Variants in THSD7B observed in about 807,000 individuals in gnomAD.
The protein encoded by THSD7B is thrombospondin type 1 domain containing 7B.
In THSD7B, 138 loss-of-function variants were observed where a neutral mutation model predicts 213.6. That is an observed-to-expected ratio of 0.65 (90% CI 0.56 to 0.74). The LOEUF (loss-of-function observed/expected upper bound fraction) is 0.74. Ranked by LOEUF, THSD7B falls within the 30% of genes least tolerant of loss-of-function variation. THSD7B has a pLI of 0.00. For synonymous variants in THSD7B, 742 were observed against 687.0 expected (o/e 1.08, Z -1.25); for missense variants, 1,931 against 1,991.5 (o/e 0.97, Z 0.58).
At chr2:136,888,945 GTGT>G (rs757234823) in intron 2 of THSD7B, among the ~76,000 whole-genome samples, 41 of 123,338 alleles carry the variant, frequency 3.3e-4, no homozygotes, top group African/African-American at 1.4e-3. Context: ...GTCTTTTGGG[GTGT>G]GTGTGTGTGT....
At chr2:137,446,028 A>C (rs1558799534) in intron 14 of THSD7B, among the ~76,000 whole-genome samples, 1 of 151,936 alleles carries the variant, frequency 6.6e-6, no homozygotes, top group Non-Finnish European at 1.5e-5. Flanking sequence ...TATTGAAAAA[A>C]AAAAAATCTG....
At chr2:137,266,961 T>C (rs1469720861) in intron 10 of THSD7B, among the ~76,000 whole-genome samples, 4 of 152,192 alleles carry the variant, frequency 2.6e-5, no homozygotes, top group Non-Finnish European at 5.9e-5. Flanking sequence ...TAATTCAGTG[T>C]GATGTTCCCC....
At chr2:137,364,533 A>C (rs1685358531) in intron 12 of THSD7B, among the ~76,000 whole-genome samples, 1 of 152,230 alleles carries the variant, frequency 6.6e-6, no homozygotes, top group African/African-American at 2.4e-5. Context: ...GCTGATAAGC[A>C]AGTTCAGCAA....
At chr2:137,102,178 A>G (rs6753210) in intron 4 of THSD7B, among the ~76,000 whole-genome samples, 14,144 of 152,274 alleles carry the variant, frequency 0.093, 1,087 homozygotes, top group African/African-American at 0.21. Context: ...TCTGGGGTGA[A>G]GCTTCCAGAG....
At chr2:137,016,117 T>A (rs1329530009) in intron 2 of THSD7B, among the ~76,000 whole-genome samples, 1 of 152,166 alleles carries the variant, frequency 6.6e-6, no homozygotes, top group Non-Finnish European at 1.5e-5. Context: ...TTGCATTTCA[T>A]CCTCACAAGA....
chr2:137,283,839 A>T (rs1283190076), intron 12 of THSD7B, among the ~76,000 whole-genome samples: 1 of 152,096 alleles, frequency 6.6e-6, no homozygotes, highest in East Asian at 1.9e-4. Flanking sequence ...ATGTTCATCA[A>T]GGATATTGGT....
chr2:137,537,536 A>G (rs1278497847), intron 15 of THSD7B, among the ~76,000 whole-genome samples: 1 of 151,700 alleles, frequency 6.6e-6, no homozygotes, highest in African/African-American at 2.4e-5. Flanking sequence ...ATAGATTGTG[A>G]TGATGATGGG....
rs116105439 is a variant in THSD7B, at chr2:137,540,567, A to G, written c.3139-22654A>G. On this transcript the variant is annotated intron_variant, in intron 15 of 27. Coordinates refer to ENST00000409968, the MANE Select transcript of THSD7B (RefSeq NM_001316349.2). ...AGGATTGGAACTCCTTCAAAGCCCTATCTTTGAAGAATTGTCATTGTTTGA... is the reference window on the plus strand; with the variant it reads ...AGGATTGGAACTCCTTCAAAGCCCTGTCTTTGAAGAATTGTCATTGTTTGA... Among the ~76,000 whole-genome samples the G allele has an allele frequency of 3.1e-3, 475 of 151,796 alleles. 5 individuals are homozygous for G. The highest frequency in any genetic ancestry group is 0.011 in the African/African-American group (458 of 41,492).
At chr2:137,234,537 T>A (rs1681722072) in intron 9 of THSD7B, among the ~76,000 whole-genome samples, 1 of 152,092 alleles carries the variant, frequency 6.6e-6, no homozygotes, top group Non-Finnish European at 1.5e-5. Flanking sequence ...AAGATGTGTA[T>A]TTGCAAGTCG....
intron 12 of THSD7B, among the ~76,000 whole-genome samples, chr2:137,305,451 A>G (rs1172911892): frequency 2.0e-5 from 3 of 152,110 alleles, no homozygotes; most frequent in African/African-American, 7.2e-5. Context: ...ACCCAGGAGG[A>G]TGAATTGAAA....
intron 21 of THSD7B, among the ~76,000 whole-genome samples, chr2:137,652,943 T>A (rs1013423042): frequency 6.6e-6 from 1 of 152,194 alleles, no homozygotes; most frequent in African/African-American, 2.4e-5. Flanking sequence ...TTTTGATAGA[T>A]GCTTATTTGG....
chr2:137,575,605 G>A (rs1260574973), intron 17 of THSD7B, among the ~76,000 whole-genome samples: 1 of 151,680 alleles, frequency 6.6e-6, no homozygotes, highest in East Asian at 1.9e-4. Flanking sequence ...AAACTGTATT[G>A]GGAAAACCAT....
intron 12 of THSD7B, among the ~76,000 whole-genome samples, chr2:137,331,800 G>C: frequency 6.6e-6 from 1 of 152,190 alleles, no homozygotes; most frequent in East Asian, 1.9e-4. Flanking sequence ...CAGCGCTCGT[G>C]GGCTGGTACT....
Position 136,971,210 on chromosome 2 carries a change from C to T in THSD7B, c.140-85210C>T, listed in dbSNP as rs114516488. ...CCAAAAAAGCCACTAGTTCCAAAAA[C>T]GAGTACCCATGAAGGGTACTGTTAA... On this transcript the variant is annotated intron_variant, in intron 2 of 27. Coordinates refer to ENST00000409968, the MANE Select transcript of THSD7B (RefSeq NM_001316349.2). 3.3e-3 allele frequency among the ~76,000 whole-genome samples: 508 copies of T among 152,206 alleles called. 1 individual carries two copies. The highest frequency in any genetic ancestry group is 5.8e-3 in the Non-Finnish European group (396 of 68,008).
intron 7 of THSD7B, among the ~76,000 whole-genome samples, chr2:137,211,941 A>G (rs1479733646): frequency 2.0e-5 from 3 of 152,048 alleles, no homozygotes; most frequent in African/African-American, 7.2e-5. Flanking sequence ...TCTGATATGT[A>G]TCATAGTAAG....
chr2:136,890,277 T>C (rs192812364), intron 2 of THSD7B, among the ~76,000 whole-genome samples: 2 of 113,900 alleles, frequency 1.8e-5, no homozygotes, highest in East Asian at 6.3e-4. Flanking sequence ...GGTGTACTCA[T>C]TGCTCATTCA....
chr2:137,214,060 C>G (rs1247733961), intron 7 of THSD7B, among the ~76,000 whole-genome samples: 1 of 151,936 alleles, frequency 6.6e-6, no homozygotes, highest in Non-Finnish European at 1.5e-5. Flanking sequence ...ATTTTTCATG[C>G]CAGTGTGTTT....
At chr2:137,030,338 T>C (rs1686641713) in intron 2 of THSD7B, among the ~76,000 whole-genome samples, 1 of 152,208 alleles carries the variant, frequency 6.6e-6, no homozygotes, top group Admixed American at 6.5e-5. Context: ...ATATGGAGTA[T>C]GAGACTAAGT....
At chr2:136,990,853 A>T in intron 2 of THSD7B, 1 of 1,320,228 alleles carries the variant, frequency 7.6e-7, no homozygotes, top group Admixed American at 2.2e-5. Context: ...TCACAAATTA[A>T]AATTCCCTTT....
Sources: allele counts gnomAD v4.1 joint callset (sites outside exome capture counted in the v4.1 genomes callset), GRCh38; gene constraint gnomAD v4.1.1; transcripts MANE v1.5; gene names NCBI Gene and HGNC (gene_info 2026-07-23, HGNC 2026-07-21).